The following CAMTA1 variants were observed in gnomAD, a reference collection of about 807,000 sequenced individuals.
CAMTA1 encodes the protein calmodulin-binding transcription activator 1.
A neutral mutation model predicts 170.9 loss-of-function variants in CAMTA1; 27 were observed. The ratio of observed to expected loss-of-function variants is 0.16; its 90% CI spans 0.12 to 0.22. The LOEUF is 0.22. Ranked by LOEUF, CAMTA1 falls within the 10% of genes least tolerant of loss-of-function variation. The pLI is 1.00. For missense variants in CAMTA1, 1,619 were observed against 2,217.2 expected, an observed-to-expected ratio of 0.73 and a Z score of 5.42; for synonymous variants, 833 against 891.5, an observed-to-expected ratio of 0.93 and a Z score of 1.17.
chr1:7,086,938 C>A (rs1023498724), intron 3 of CAMTA1, among the ~76,000 whole-genome samples: 1 of 152,188 alleles, frequency 6.6e-6, no homozygotes, highest in Admixed American at 6.5e-5. Flanking sequence ...TTGCCCCAGC[C>A]TCCTATGAAT....
chr1:6,878,389 A>T (rs1670539234), intron 3 of CAMTA1, among the ~76,000 whole-genome samples: 1 of 152,270 alleles, frequency 6.6e-6, no homozygotes, highest in Non-Finnish European at 1.5e-5. Context: ...GTTTTGTGCT[A>T]GATCACAAAA....
chr1:7,436,055 T>C (rs1458427542), intron 5 of CAMTA1, among the ~76,000 whole-genome samples: 1 of 152,204 alleles, frequency 6.6e-6, no homozygotes, highest in African/African-American at 2.4e-5. Context: ...TAGAACATTA[T>C]TTATCAGGTA....
rs148569707 is a variant in CAMTA1, at chr1:7,736,156, C to T, written c.3067-188C>T. On this transcript the variant is annotated intron_variant, in intron 12 of 22. Coordinates refer to ENST00000303635, the MANE Select transcript of CAMTA1 (RefSeq NM_015215.4). The surrounding 1 kb of genome is among the most constrained non-coding windows in gnomAD (Gnocchi z 4.5). ...AAACTCCCGAGCAATCCTCCCACCT[C>T]GGCCTCCCAAAGTGCTAGGATTTCA... is the stretch of plus-strand genomic sequence containing the variant. 9.8e-5 allele frequency among the ~76,000 whole-genome samples: 15 copies of T among 152,292 alleles called. No individual in the cohort carries two copies. The highest frequency in any genetic ancestry group is 1.9e-4 in the East Asian group (1 of 5,184).
intron 6 of CAMTA1, among the ~76,000 whole-genome samples, chr1:7,604,969 T>C (rs548836890): frequency 1.7e-4 from 26 of 151,530 alleles, no homozygotes; most frequent in African/African-American, 6.3e-4. Flanking sequence ...TGCCTGGATA[T>C]CAGCAGTGGA....
intron 6 of CAMTA1, among the ~76,000 whole-genome samples, chr1:7,502,411 TA>T (rs2094021121): frequency 6.6e-6 from 1 of 152,196 alleles, no homozygotes; most frequent in African/African-American, 2.4e-5. Context: ...ATGCATTCAA[TA>T]AAAATTTGAT....
chr1:7,424,012 C>G (rs1446659332), intron 5 of CAMTA1, among the ~76,000 whole-genome samples: 1 of 152,138 alleles, frequency 6.6e-6, no homozygotes, highest in Non-Finnish European at 1.5e-5. Flanking sequence ...CCGTCTGCCC[C>G]AGCACCATGC....
intron 3 of CAMTA1, among the ~76,000 whole-genome samples, chr1:6,915,183 G>T (rs1680526680): frequency 6.6e-6 from 1 of 152,144 alleles, no homozygotes; most frequent in South Asian, 2.1e-4. Flanking sequence ...CCTCTACTTT[G>T]TCAGGCAAAA....
intron 5 of CAMTA1, among the ~76,000 whole-genome samples, chr1:7,350,392 A>C (rs1035277448): frequency 5.3e-5 from 8 of 152,244 alleles, no homozygotes; most frequent in African/African-American, 1.4e-4. Flanking sequence ...CTGGGTGCAC[A>C]GTCACATAGT....
At chr1:6,791,315 C>G (rs955983155) in intron 1 of CAMTA1, among the ~76,000 whole-genome samples, 1 of 152,052 alleles carries the variant, frequency 6.6e-6, no homozygotes. Flanking sequence ...TCCCTTTGTC[C>G]TGTAGCACAA....
chr1:7,414,676 TC>T (rs1201113366), intron 5 of CAMTA1, among the ~76,000 whole-genome samples: 2 of 152,202 alleles, frequency 1.3e-5, no homozygotes, highest in Non-Finnish European at 2.9e-5. Context: ...TTGCTAGCGG[TC>T]TATCAATTTT....
At chr1:6,917,857 G>T (rs1292442678) in intron 3 of CAMTA1, among the ~76,000 whole-genome samples, 2 of 141,572 alleles carry the variant, frequency 1.4e-5, no homozygotes, top group African/African-American at 5.1e-5. Flanking sequence ...GGGGCGGGGG[G>T]GGACATCTAC....
At chr1:7,266,346 TCCACCACAGGGACGGCCTGGGAC>T (rs1228875732) in intron 5 of CAMTA1, among the ~76,000 whole-genome samples, 1 of 152,156 alleles carries the variant, frequency 6.6e-6, no homozygotes, top group Non-Finnish European at 1.5e-5. Flanking sequence ...CCACTGTGGG[TCCACCACAGGGACGGCCTGGGAC>T]CCCAGAGCCC....
At chr1:6,942,713 G>A (rs12043313) in intron 3 of CAMTA1, among the ~76,000 whole-genome samples, 79,774 of 152,076 alleles carry the variant, frequency 0.52, 21,702 homozygotes, top group Non-Finnish European at 0.61. Context: ...TGCCACAAAC[G>A]GAGAAGGGAG....
intron 6 of CAMTA1, among the ~76,000 whole-genome samples, chr1:7,595,055 C>T (rs2095388872): frequency 6.6e-6 from 1 of 152,320 alleles, no homozygotes; most frequent in Non-Finnish European, 1.5e-5. Flanking sequence ...GGTCATGAGA[C>T]AGGAAGCGGA....
At chr1:6,996,477 C>T (rs1446028940) in intron 3 of CAMTA1, among the ~76,000 whole-genome samples, 1 of 152,172 alleles carries the variant, frequency 6.6e-6, no homozygotes, top group Non-Finnish European at 1.5e-5. Flanking sequence ...CAGAGATCAG[C>T]TGGAGATTGA....
At chr1:7,386,222 A>T (rs1489384939) in intron 5 of CAMTA1, among the ~76,000 whole-genome samples, 2 of 152,264 alleles carry the variant, frequency 1.3e-5, no homozygotes, top group Non-Finnish European at 2.9e-5. Context: ...CATTTGTGCT[A>T]AAGACATGGT....
At chr1:7,192,167 G>A (rs1326730824) in intron 4 of CAMTA1, among the ~76,000 whole-genome samples, 1 of 152,204 alleles carries the variant, frequency 6.6e-6, no homozygotes, top group East Asian at 1.9e-4. Flanking sequence ...GGCTCTTCTG[G>A]TTGGGACTCC....
intron 1 of CAMTA1, among the ~76,000 whole-genome samples, chr1:6,788,681 C>T (rs1400481116): frequency 1.3e-5 from 2 of 152,030 alleles, no homozygotes; most frequent in African/African-American, 4.8e-5. Context: ...TTCTTCCTAC[C>T]GTTTCCTCCA....
chr1:6,898,663 G>T (rs116391463), intron 3 of CAMTA1, among the ~76,000 whole-genome samples: 54 of 152,320 alleles, frequency 3.5e-4, no homozygotes, highest in African/African-American at 1.3e-3. Flanking sequence ...TATCCTGGGT[G>T]GAGTTGGTGC....
Sources: allele counts gnomAD v4.1 joint callset (sites outside exome capture counted in the v4.1 genomes callset), GRCh38; gene constraint gnomAD v4.1.1; non-coding constraint Gnocchi (gnomAD v3.1); transcripts MANE v1.5; gene names NCBI Gene and HGNC (gene_info 2026-07-23, HGNC 2026-07-21).